COG7: variants seen among roughly 807,000 people sequenced by gnomAD.
COG7 encodes component of oligomeric golgi complex 7.
COG7 carries 49 observed loss-of-function variants against 91.5 expected under a neutral mutation model. That is an observed-to-expected ratio of 0.54 (90% CI 0.43 to 0.68). COG7 has a LOEUF of 0.68. COG7 is among the 30% of genes least tolerant of loss of function. The pLI, the probability that COG7 is intolerant of heterozygous loss-of-function variation, is 0.00. For missense variants in COG7, 895 were observed against 961.3 expected, an observed-to-expected ratio of 0.93 and a Z score of 0.91; for synonymous variants, 365 against 388.7, an observed-to-expected ratio of 0.94 and a Z score of 0.72.
At chr16:23,447,856 C>T (rs1964206446) in intron 1 of COG7, among the ~76,000 whole-genome samples, 1 of 151,926 alleles carries the variant, frequency 6.6e-6, no homozygotes, top group South Asian at 2.1e-4. Flanking sequence ...GTTGAGATTA[C>T]ACCACTGCAC....
intron 7 of COG7, among the ~76,000 whole-genome samples, chr16:23,423,918 G>C (rs16940121): frequency 6.6e-6 from 1 of 152,112 alleles, no homozygotes; most frequent in Non-Finnish European, 1.5e-5. Context: ...GCTCTCAGTC[G>C]GCCACCGGGG....
rs373895508 is a variant in COG7 at position 23,424,855 on chromosome 16, G to A, written c.903C>T (p.Gly301=). 8.1e-6 allele frequency: 13 copies of A among 1,614,062 alleles called. No homozygotes were observed. Among genetic ancestry groups the A allele is most frequent in the African/African-American group, 2.7e-5 (2 of 74,950 alleles). ...CCTGCTCGGGCCCTGCCCTCTCCAC[G>A]CCGTTGCTGAGGCAGGAGGGCAGCG... ...MPSLPSCLSN[G]VERAGPEQEL... is the part of the protein sequence containing the mutation. The change falls in exon 7 of 17, where the codon GGC becomes GGT. Residue 301 remains glycine, a synonymous_variant. Coordinates refer to ENST00000307149, the MANE Select transcript of COG7 (RefSeq NM_153603.4).
rs142288637 is a variant in COG7 at position 23,436,407 on chromosome 16, G to A, written c.605-1689C>T. On this transcript the variant is annotated intron_variant, in intron 4 of 16. Transcript: ENST00000307149. ...AGATGGAAAAGGGGAACATGTTGGG[G>A]ATGAACAAATTTATCAGAGAATTCC... Among the ~76,000 whole-genome samples, 4 of 152,226 alleles carry A rather than the reference G, an allele frequency of 2.6e-5. No homozygotes were observed. The East Asian group carries it at 7.7e-4, about 29-fold the overall frequency.
intron 7 of COG7, among the ~76,000 whole-genome samples, chr16:23,419,748 C>CAAA (rs60636268): frequency 0.22 from 12,266 of 54,892 alleles, 1,110 homozygotes; most frequent in East Asian, 0.33. Flanking sequence ...GACTTCATCT[C>CAAA]AAAAAAAAAA....
chr16:23,395,579 G>A (rs1485720283), intron 14 of COG7, among the ~76,000 whole-genome samples: 1 of 152,202 alleles, frequency 6.6e-6, no homozygotes, highest in East Asian at 1.9e-4. Flanking sequence ...TATCATTTAG[G>A]TGAAAAATTT....
At position 23,392,036 on chromosome 16, in the gene COG7, CAGT is replaced by C. The variant is rs931670395; in HGVS notation, c.2146+341_2146+343del. 5 of 1,222,888 alleles carry C rather than the reference CAGT, an allele frequency of 4.1e-6. No individual in the cohort carries two copies. In the African/African-American group the frequency reaches 7.8e-5, roughly 19 times the overall value. The allele number at this position is 1,222,888 out of a possible 1,614,324, so 75.8% of individuals were successfully genotyped here. On this transcript the variant is annotated intron_variant, in intron 16 of 16. Transcript: ENST00000307149. ...TCCAGCGCCAGGCATGCCTGGTATGCAGTAAGAGCTCATTAAACACTGGTTGGG... is the reference window on the plus strand; with the variant it reads ...TCCAGCGCCAGGCATGCCTGGTATGCAAGAGCTCATTAAACACTGGTTGGG...
intron 7 of COG7, among the ~76,000 whole-genome samples, chr16:23,424,330 C>T (rs1212454934): frequency 6.6e-6 from 1 of 150,976 alleles, no homozygotes; most frequent in Non-Finnish European, 1.5e-5. Flanking sequence ...CCCTTGTAGC[C>T]TGTTTGTTCT....
Position 23,406,081 on chromosome 16 carries a change from G to C in COG7, c.1657C>G (p.Leu553Val). ...CCATTCATTTGGTCTCATACCTTAA[G>C]GGTATAAAGTATTTCCATTAAACTG... ...YASLMEILYT[L>V]KEKGSSNHNL... is the part of the protein sequence containing the mutation. Residue 553 changes from leucine to valine, a missense_variant, in exon 12 of 17, where the codon CTT (leucine) becomes GTT (valine). Coordinates refer to ENST00000307149, the MANE Select transcript of COG7 (RefSeq NM_153603.4). The C allele has an allele frequency of 6.2e-7, 1 of 1,612,564 alleles. No individual in the cohort carries two copies. The highest frequency in any genetic ancestry group is 1.3e-5 in the African/African-American group (1 of 75,018).
At position 23,434,619 on chromosome 16, in the gene COG7, C is replaced by A. The variant is rs780865695; in HGVS notation, c.687+17G>T. ...CATTCCACAACTGCACAACTGTCAT[C>A]GCGCACAGCTTCTTACCTTGTGACA... On this transcript the variant is annotated intron_variant, in intron 5 of 16. Transcript: ENST00000307149. The A allele has an allele frequency of 6.3e-7, 1 of 1,594,606 alleles. No homozygotes were observed. The highest frequency in any genetic ancestry group is 8.6e-7 in the Non-Finnish European group (1 of 1,162,164).
chr16:23,428,618 A>T (rs1405415961), intron 6 of COG7, among the ~76,000 whole-genome samples: 1 of 152,098 alleles, frequency 6.6e-6, no homozygotes, highest in African/African-American at 2.4e-5. Context: ...AGGATGTGGA[A>T]CAACCAGAAC....
intron 13 of COG7, among the ~76,000 whole-genome samples, chr16:23,400,861 T>C (rs1433052786): frequency 6.6e-6 from 1 of 151,734 alleles, no homozygotes; most frequent in Non-Finnish European, 1.5e-5. Context: ...TCCCAGATAC[T>C]TGGGAGGCTG....
intron 6 of COG7, 83 bp from the exon 7 acceptor site, chr16:23,425,030 C>A: frequency 8.3e-7 from 1 of 1,207,948 alleles, no homozygotes. Context: ...TTTTGAGATG[C>A]CAGGCACGGT....
In COG7 at chr16:23,445,844, T is replaced by G; in HGVS notation, c.287A>C (p.Lys96Thr). The part of the protein sequence containing the change: ...QMILVKEDIK[K>T]FEQDTSQSMQ... ...GGATTGAGATGTGTCCTGTTCAAAT[T>G]TTTTAATGTCCTCCTTGACAAGAAT... The change falls in exon 2 of 17, where the codon AAA becomes ACA. Residue 96 changes from lysine (K) to threonine (T), a missense_variant. By Grantham distance (78) the Lys-to-Thr change is moderately conservative (BLOSUM62 -1). Coordinates refer to ENST00000307149, the MANE Select transcript of COG7 (RefSeq NM_153603.4). 1 of 1,613,960 alleles carries G rather than the reference T, an allele frequency of 6.2e-7. No homozygotes were observed. Among genetic ancestry groups the G allele is most frequent in the Non-Finnish European group, 8.5e-7 (1 of 1,179,942 alleles).
chr16:23,410,427 G>T, intron 10 of COG7, 67 bp from the exon 11 acceptor site: 2 of 1,319,986 alleles, frequency 1.5e-6, no homozygotes, highest in Non-Finnish European at 2.2e-6. Context: ...GACAAACATT[G>T]TCTTATTCAT....
At chr16:23,452,446 G>A (rs1415754967) in intron 1 of COG7, among the ~76,000 whole-genome samples, 1 of 152,232 alleles carries the variant, frequency 6.6e-6, no homozygotes, top group East Asian at 1.9e-4. Flanking sequence ...GGTGGCTCGC[G>A]CCTGTAGTCC....
intron 5 of COG7, among the ~76,000 whole-genome samples, chr16:23,434,004 A>G: frequency 6.6e-6 from 1 of 152,182 alleles, no homozygotes; most frequent in Non-Finnish European, 1.5e-5. Context: ...TTTAAGCTTC[A>G]TGTCCTAACA....
rs1374237338 is a variant in COG7, at chr16:23,413,517, C to T, written c.1340G>A (p.Cys447Tyr). Residue 447 changes from cysteine (C) to tyrosine (Y), a missense_variant, in exon 10 of 17, where the codon TGC becomes TAC. Physicochemically the swap from Cys to Tyr is radical, Grantham distance 194. Coordinates refer to ENST00000307149, the MANE Select transcript of COG7 (RefSeq NM_153603.4). Reference sequence around the variant, plus strand: ...GTTGGGAGGAATGTGGTCCAGTTTGCACTTCTTTCGTATGGACTGGAGAGT... The same window carrying T: ...GTTGGGAGGAATGTGGTCCAGTTTGTACTTCTTTCGTATGGACTGGAGAGT... ...TSTLQSIRKK[C>Y]KLDHIPPNSL... The T allele has an allele frequency of 3.1e-6, 5 of 1,613,250 alleles. No individual in the cohort carries two copies. Among genetic ancestry groups the T allele is most frequent in the South Asian group, 1.1e-5 (1 of 91,046 alleles).
chr16:23,426,818 C>CAAAAAAAAA (rs1176659874), intron 6 of COG7, among the ~76,000 whole-genome samples: 13 of 60,192 alleles, frequency 2.2e-4, no homozygotes, highest in South Asian at 6.2e-4. Context: ...AGCAATTGGA[C>CAAAAAAAAA]AAAAAAAAAA....
chr16:23,417,486 G>A (rs958083631), intron 8 of COG7, among the ~76,000 whole-genome samples: 1 of 152,208 alleles, frequency 6.6e-6, no homozygotes, highest in Non-Finnish European at 1.5e-5. Flanking sequence ...GCAAAAGGGG[G>A]CTGGGTGCAG....
Sources: gnomAD v4.1 joint callset for allele counts (sites outside exome capture counted in the v4.1 genomes callset) on GRCh38, gnomAD v4.1.1 for gene constraint, MANE v1.5 for transcripts, NCBI Gene and HGNC (gene_info 2026-07-23, HGNC 2026-07-21) for gene names.